The following MTHFD1L variants were observed in gnomAD, a reference collection of about 807,000 sequenced individuals.
MTHFD1L encodes methylenetetrahydrofolate dehydrogenase (NADP+ dependent) 1 like, also known as monofunctional C1-tetrahydrofolate synthase, mitochondrial.
In MTHFD1L, 81 loss-of-function variants were observed where a neutral mutation model predicts 119.5. That is an observed-to-expected ratio of 0.68 (90% CI 0.57 to 0.82). The LOEUF is 0.82. Ranked by LOEUF, MTHFD1L falls within the 40% of genes least tolerant of loss-of-function variation. The pLI, the probability that MTHFD1L is intolerant of heterozygous loss-of-function variation, is 0.00. For synonymous variants in MTHFD1L, 430 were observed against 475.2 expected (o/e 0.90, Z 1.24); for missense variants, 1,125 against 1,253.4 (o/e 0.90, Z 1.55).
chr6:150,982,568 T>TG (rs1345388776), intron 20 of MTHFD1L, among the ~76,000 whole-genome samples: 2 of 152,110 alleles, frequency 1.3e-5, no homozygotes, highest in Non-Finnish European at 2.9e-5. Context: ...GAGTGAGATT[T>TG]GGGGGGTTAA....
chr6:151,092,695 T>A (rs1033009670), intron 27 of MTHFD1L, 108 bp downstream of exon 27: 4 of 643,836 alleles, frequency 6.2e-6, no homozygotes, highest in Non-Finnish European at 1.1e-5. Context: ...ATAAATCCTT[T>A]CCTTCCTTTG....
chr6:150,882,768 G>T lies in MTHFD1L; in HGVS notation c.424G>T (p.Asp142Tyr). 2 of 1,495,908 alleles carry T rather than the reference G, an allele frequency of 1.3e-6. No individual in the cohort carries two copies. The highest frequency in any genetic ancestry group is 1.4e-5 in the South Asian group (1 of 71,498). 92.7% of individuals were successfully genotyped at this position (1,495,908 alleles called of 1,614,324 possible). The part of the protein sequence containing the change: ...PPDSSEAEII[D>Y]EILKINEDTR... Reference sequence around the variant, plus strand: ...TTTTTTGTTTTCTCTTTAGATTATAGATGAAATCTTAAAGATCAATGAAGA... The same window carrying T: ...TTTTTTGTTTTCTCTTTAGATTATATATGAAATCTTAAAGATCAATGAAGA... The change falls in exon 5 of 28, where the codon GAT becomes TAT. Residue 142 changes from aspartate to tyrosine, a missense_variant. This residue lies in a region of MTHFD1L where 1,058 missense variants were observed against 1,151.2 expected (regional missense o/e 0.92). Transcript: ENST00000367321.
At chr6:150,979,891 T>C (rs1378226169) in intron 20 of MTHFD1L, among the ~76,000 whole-genome samples, 1 of 152,142 alleles carries the variant, frequency 6.6e-6, no homozygotes, top group Admixed American at 6.5e-5. Flanking sequence ...CTTTCCACTT[T>C]TATTGCCCTG....
chr6:150,875,931 T>TAA, intron 1 of MTHFD1L, 159 bp from the exon 2 acceptor site: 1 of 589,132 alleles, frequency 1.7e-6, no homozygotes. Context: ...ATTTCATTGT[T>TAA]ACGCCGCCTA....
chr6:151,018,888 G>A (rs773372412), intron 24 of MTHFD1L, among the ~76,000 whole-genome samples: 5 of 152,228 alleles, frequency 3.3e-5, no homozygotes, highest in Admixed American at 6.5e-5. Flanking sequence ...TTTTGTGAAT[G>A]AGGAACTAGA....
intron 27 of MTHFD1L, among the ~76,000 whole-genome samples, chr6:151,094,521 C>T (rs1015655326): frequency 6.6e-6 from 1 of 152,116 alleles, no homozygotes; most frequent in East Asian, 1.9e-4. Flanking sequence ...TGCCACCACG[C>T]CCCGCTGATT....
intron 15 of MTHFD1L, among the ~76,000 whole-genome samples, chr6:150,946,493 G>C: frequency 6.6e-6 from 1 of 152,126 alleles, no homozygotes; most frequent in Non-Finnish European, 1.5e-5. Flanking sequence ...TTATACTTGC[G>C]TATGCCATCT....
chr6:150,942,316 A>T (rs1462956116), intron 13 of MTHFD1L, among the ~76,000 whole-genome samples: 1 of 152,194 alleles, frequency 6.6e-6, no homozygotes, highest in East Asian at 1.9e-4. Context: ...TACTTGTCAA[A>T]TTGACAAAAT....
intron 18 of MTHFD1L, among the ~76,000 whole-genome samples, chr6:150,961,013 A>C (rs553962322): frequency 6.0e-5 from 9 of 149,072 alleles, no homozygotes; most frequent in Admixed American, 2.7e-4. Context: ...TTCCTTTTTT[A>C]GTGCTTTTTC....
chr6:150,865,748 T>C lies in MTHFD1L; in HGVS notation c.-75T>C. 9.3e-7 allele frequency: 1 copy of C among 1,070,068 alleles called. No individual in the cohort carries two copies. The highest frequency in any genetic ancestry group is 1.2e-6 in the Non-Finnish European group (1 of 863,590). The allele number at this position is 1,070,068 out of a possible 1,614,324, so 66.3% of individuals were successfully genotyped here. On this transcript the variant is annotated 5_prime_UTR_variant, in exon 1 of 28. Transcript: ENST00000367321. The stretch of plus-strand genomic sequence containing the variant: ...CGCCGCCGCCGCCGCCGCCGCCGCC[T>C]GCTCCCCTGGCACGCGCCCCGCCGC...
At chr6:151,100,021 TTTTC>T (rs1795237182) in intron 27 of MTHFD1L, 2 of 680,568 alleles carry the variant, frequency 2.9e-6, no homozygotes, top group East Asian at 5.5e-5. Flanking sequence ...GAAAGAAATA[TTTTC>T]TTTCTTTTCT....
rs1188057132 is a variant in MTHFD1L at position 151,015,712 on chromosome 6, A to G, written c.2586+19A>G. The G allele has an allele frequency of 1.2e-6, 2 of 1,610,012 alleles. No individual in the cohort carries two copies. The highest frequency in any genetic ancestry group is 1.3e-5 in the African/African-American group (1 of 74,662). On this transcript the variant is annotated intron_variant, in intron 24 of 27. Coordinates refer to ENST00000367321, the MANE Select transcript of MTHFD1L (RefSeq NM_015440.5). Reference sequence around the variant, plus strand: ...TGTTCAGGTAAGATCTAGTAAAAACAATGGCTCACATTTCTTACACCTTAG... The same window carrying G: ...TGTTCAGGTAAGATCTAGTAAAAACGATGGCTCACATTTCTTACACCTTAG...
At chr6:150,980,034 C>T (rs1777219276) in intron 20 of MTHFD1L, among the ~76,000 whole-genome samples, 1 of 151,912 alleles carries the variant, frequency 6.6e-6, no homozygotes, top group South Asian at 2.1e-4. Context: ...TGTAATTCTC[C>T]CAGACCTTGC....
chr6:151,059,171 T>A (rs2128596777), intron 26 of MTHFD1L, among the ~76,000 whole-genome samples: 1 of 151,618 alleles, frequency 6.6e-6, no homozygotes, highest in Non-Finnish European at 1.5e-5. Flanking sequence ...AGCTCCAGGC[T>A]GCTACAGTTC....
intron 17 of MTHFD1L, among the ~76,000 whole-genome samples, chr6:150,957,105 A>G (rs1463185859): frequency 2.6e-5 from 4 of 152,220 alleles, no homozygotes; most frequent in African/African-American, 9.6e-5. Context: ...CTCTCCTGCT[A>G]AAGTGGGAGC....
chr6:150,917,161 G>A (rs1222465465), intron 8 of MTHFD1L, among the ~76,000 whole-genome samples: 2 of 152,092 alleles, frequency 1.3e-5, no homozygotes, highest in East Asian at 3.9e-4. Context: ...GTTTTCATCT[G>A]CCTTCTCACG....
chr6:151,001,906 A>T (rs574107510), intron 20 of MTHFD1L, among the ~76,000 whole-genome samples: 2 of 152,312 alleles, frequency 1.3e-5, no homozygotes, highest in Non-Finnish European at 2.9e-5. Context: ...TCTAAAAGAG[A>T]CAACAAGCAC....
chr6:150,936,236 GCCAC>G (rs1476701590), intron 11 of MTHFD1L, among the ~76,000 whole-genome samples: 1 of 152,164 alleles, frequency 6.6e-6, no homozygotes, highest in Non-Finnish European at 1.5e-5. Flanking sequence ...AAATGAGTGG[GCCAC>G]CCCAGAGGTC....
chr6:150,900,971 C>T (rs527804588), intron 7 of MTHFD1L, among the ~76,000 whole-genome samples: 1 of 151,306 alleles, frequency 6.6e-6, no homozygotes, highest in Non-Finnish European at 1.5e-5. Context: ...GCCGGGATCG[C>T]GCCACTGCAC....
Sources: gnomAD v4.1 joint callset for allele counts (sites outside exome capture counted in the v4.1 genomes callset) on GRCh38, gnomAD v4.1.1 for gene constraint, gnomAD v4.1.1 regional missense constraint, MANE v1.5 for transcripts, NCBI Gene and HGNC (gene_info 2026-07-23, HGNC 2026-07-21) for gene names.